The following PTCSC3 variants were observed in gnomAD, a reference collection of about 807,000 sequenced individuals.
The protein encoded by PTCSC3 is papillary thyroid carcinoma susceptibility candidate 3, also known as papillary thyroid carcinoma susceptibility candidate 3 (non-protein coding).
downstream of PTCSC3, among the ~76,000 whole-genome samples, chr14:36,134,920 A>C (rs1881251735): frequency 6.6e-6 from 1 of 152,250 alleles, no homozygotes; most frequent in African/African-American, 2.4e-5. Flanking sequence ...TATTGAACAT[A>C]AGTGCCATTA....
At chr14:36,168,729 C>A in intron 1 of PTCSC3, among the ~76,000 whole-genome samples, 1 of 152,244 alleles carries the variant, frequency 6.6e-6, no homozygotes, top group Middle Eastern at 3.4e-3. Context: ...AATCCTCCCA[C>A]CTCAGCCTCC....
At chr14:36,159,177 T>TC (rs1881896468) in intron 2 of PTCSC3, among the ~76,000 whole-genome samples, 1 of 129,672 alleles carries the variant, frequency 7.7e-6, no homozygotes, top group Non-Finnish European at 1.7e-5. Context: ...ATTTTGTTGA[T>TC]CTTTAAAAAA....
intron 1 of PTCSC3, among the ~76,000 whole-genome samples, chr14:36,174,202 G>C (rs1594458634): frequency 6.6e-6 from 1 of 151,852 alleles, no homozygotes; most frequent in East Asian, 1.9e-4. Flanking sequence ...TCTTCTACTA[G>C]GACTCAATTA....
chr14:36,163,543 A>C (rs1469557042), intron 1 of PTCSC3, among the ~76,000 whole-genome samples: 1 of 152,218 alleles, frequency 6.6e-6, no homozygotes, highest in African/African-American at 2.4e-5. Flanking sequence ...TGTAGAATAT[A>C]AGTGGACTAA....
At chr14:36,154,104 C>T (rs969928288) in intron 2 of PTCSC3, among the ~76,000 whole-genome samples, 12 of 150,966 alleles carry the variant, frequency 7.9e-5, no homozygotes, top group Non-Finnish European at 1.8e-4. Flanking sequence ...ATTAAGTGAG[C>T]GGAGACAGAA....
chr14:36,159,009 C>A (rs945864840), intron 2 of PTCSC3, among the ~76,000 whole-genome samples: 1 of 151,974 alleles, frequency 6.6e-6, no homozygotes, highest in African/African-American at 2.4e-5. Context: ...GGAATTTATC[C>A]ATTTCTTCTA....
intron 3 of PTCSC3, among the ~76,000 whole-genome samples, chr14:36,146,817 T>C (rs1309967311): frequency 1.3e-5 from 2 of 152,260 alleles, no homozygotes; most frequent in Non-Finnish European, 2.9e-5. Context: ...TTCCTTTCCA[T>C]ATTTAGTGCT....
At chr14:36,152,907 A>AAAG (rs1406033093) in intron 3 of PTCSC3, among the ~76,000 whole-genome samples, 5 of 151,582 alleles carry the variant, frequency 3.3e-5, no homozygotes, top group Admixed American at 6.6e-5. Context: ...AGGAAAAAAA[A>AAAG]AAAGAAAGAA....
chr14:36,161,926 G>C (rs563667721), intron 2 of PTCSC3, among the ~76,000 whole-genome samples: 2 of 152,202 alleles, frequency 1.3e-5, no homozygotes, highest in Non-Finnish European at 2.9e-5. Context: ...GAAATCTGGA[G>C]ACGCAGTCTG....
intron 2 of PTCSC3, among the ~76,000 whole-genome samples, chr14:36,160,805 T>C (rs1444761209): frequency 6.6e-6 from 1 of 152,216 alleles, no homozygotes; most frequent in East Asian, 1.9e-4. Context: ...CTGGATAATA[T>C]CCTGAAGAGT....
rs1489555627 is a variant in PTCSC3, at chr14:36,144,245, T to A, written n.323-7889A>T. Among the ~76,000 whole-genome samples the A allele has an allele frequency of 2.0e-5, 3 of 149,046 alleles. No homozygotes were observed. In the East Asian group the frequency reaches 6.0e-4, roughly 30 times the overall value. On this transcript the variant is annotated intron_variant and non_coding_transcript_variant, in intron 3 of 3. Transcript: ENST00000556013. ...ATGGCGTTGAATCTGTAAATTACCT[T>A]GGGCAGTATGGCCATTTTCACGATA...
chr14:36,146,399 C>T lies in PTCSC3; in HGVS notation n.322+7405G>A, dbSNP rs1283051977. The stretch of plus-strand genomic sequence containing the variant: ...AGTTAGCTCTTCTTGTTGAATTGAT[C>T]CCTTTACCATTATTTAATGGCCTTG... On this transcript the variant is annotated intron_variant and non_coding_transcript_variant, in intron 3 of 3. Coordinates refer to ENST00000556013, the Ensembl canonical transcript of PTCSC3. Among the ~76,000 whole-genome samples, 20 of 150,748 alleles carry T rather than the reference C, an allele frequency of 1.3e-4. No homozygotes were observed. In the East Asian group the frequency reaches 3.3e-3, roughly 25 times the overall value.
At chr14:36,176,596 A>C (rs1882292203), upstream of PTCSC3, 1 of 151,960 alleles carries the variant, frequency 6.6e-6, no homozygotes. Context: ...AGTATTTTAT[A>C]CTTTACTCTT....
intron 3 of PTCSC3, among the ~76,000 whole-genome samples, chr14:36,138,754 G>A (rs1881345232): frequency 6.6e-6 from 1 of 152,126 alleles, no homozygotes; most frequent in Admixed American, 6.5e-5. Flanking sequence ...AAAACAATTT[G>A]GCAGTTTAGT....
At position 36,154,624 on chromosome 14, in the gene PTCSC3, G is replaced by A. The variant is rs996222943; in HGVS notation, n.232-730C>T. 1.3e-5 allele frequency among the ~76,000 whole-genome samples: 2 copies of A among 152,138 alleles called. 1 individual carries two copies. The highest frequency in any genetic ancestry group is 1.3e-4 in the Admixed American group (2 of 15,264). On this transcript the variant is annotated intron_variant and non_coding_transcript_variant, in intron 2 of 3. Transcript: ENST00000556013. The stretch of plus-strand genomic sequence containing the variant: ...GTCAGGAGGCGTTGGTAACAGCCAC[G>A]TGAGAGGGGATGAGGGTCTGACTGG...
intron 3 of PTCSC3, among the ~76,000 whole-genome samples, chr14:36,139,435 A>C (rs1881369779): frequency 6.6e-6 from 1 of 152,206 alleles, no homozygotes. Context: ...ACTGGGCTCC[A>C]GTTTTAAAAT....
intron 3 of PTCSC3, among the ~76,000 whole-genome samples, chr14:36,147,587 C>T (rs1261980647): frequency 6.6e-6 from 1 of 151,820 alleles, no homozygotes; most frequent in African/African-American, 2.4e-5. Flanking sequence ...AAATTTTCAA[C>T]TTCTTTGCCT....
At chr14:36,148,935 A>G (rs902761414) in intron 3 of PTCSC3, among the ~76,000 whole-genome samples, 14 of 152,108 alleles carry the variant, frequency 9.2e-5, no homozygotes, top group Admixed American at 8.5e-4. Flanking sequence ...GGGTTTATCA[A>G]TTAGATTGCT....
chr14:36,146,610 T>G (rs1374795485), intron 3 of PTCSC3, among the ~76,000 whole-genome samples: 6 of 152,268 alleles, frequency 3.9e-5, no homozygotes, highest in African/African-American at 1.4e-4. Flanking sequence ...TCTTGACTCT[T>G]TATCCAATTT....
Sources: gnomAD v4.1 joint callset for allele counts (sites outside exome capture counted in the v4.1 genomes callset) on GRCh38, gnomAD v4.1.1 for gene constraint, MANE v1.5 for transcripts, NCBI Gene and HGNC (gene_info 2026-07-23, HGNC 2026-07-21) for gene names.